ZNF786: variants seen among roughly 807,000 people sequenced by gnomAD.
ZNF786 encodes the protein zinc finger protein 786.
In ZNF786, 56 loss-of-function variants were observed where a neutral mutation model predicts 63.1. The ratio of observed to expected loss-of-function variants is 0.89; its 90% CI spans 0.72 to 1.11. ZNF786 has a LOEUF of 1.11. ZNF786 is among the 50% of genes least tolerant of loss of function. The pLI, the probability that ZNF786 is intolerant of heterozygous loss-of-function variation, is 0.00. For synonymous variants in ZNF786, 485 were observed against 406.9 expected (o/e 1.19, Z -2.31); for missense variants, 1,213 against 1,041.8 (o/e 1.16, Z -2.26).
At chr7:149,079,959 G>A (rs1226955893) in intron 2 of ZNF786, among the ~76,000 whole-genome samples, 1 of 150,636 alleles carries the variant, frequency 6.6e-6, no homozygotes, top group African/African-American at 2.4e-5. Flanking sequence ...GGATCACGAG[G>A]TCAGGAGATT....
intron 1 of ZNF786, chr7:149,081,248 C>T (rs748881856): frequency 9.1e-6 from 4 of 441,708 alleles, no homozygotes; most frequent in South Asian, 6.4e-5. Flanking sequence ...TCAGCCTGAC[C>T]AACGTGGTGA....
intron 1 of ZNF786, among the ~76,000 whole-genome samples, chr7:149,085,112 C>T (rs528654066): frequency 6.6e-6 from 1 of 152,098 alleles, no homozygotes; most frequent in East Asian, 1.9e-4. Context: ...AGGTATGTGG[C>T]GTTATTTCTG....
At chr7:149,086,565 T>C (rs1825740967) in intron 1 of ZNF786, among the ~76,000 whole-genome samples, 1 of 151,638 alleles carries the variant, frequency 6.6e-6, no homozygotes, top group African/African-American at 2.4e-5. Flanking sequence ...GAGGCAGAGA[T>C]TGCAGTGAGC....
Position 149,084,397 on chromosome 7 carries a change from G to A in ZNF786, c.19-3680C>T, listed in dbSNP as rs895923543. On this transcript the variant is annotated intron_variant, in intron 1 of 3. Transcript: ENST00000491431. Reference sequence around the variant, plus strand: ...AAGTTAATTTTGCTTTGAGTTCTTTGAGAAATCACCAAACTGCTTTCCACA... The same window carrying A: ...AAGTTAATTTTGCTTTGAGTTCTTTAAGAAATCACCAAACTGCTTTCCACA... Among the ~76,000 whole-genome samples the A allele has an allele frequency of 2.8e-5, 4 of 142,842 alleles. 1 individual carries two copies. Among genetic ancestry groups the A allele is most frequent in the Non-Finnish European group, 6.1e-5 (4 of 65,644 alleles). 93.7% of individuals were successfully genotyped at this position (142,842 alleles called of 152,430 possible). A position where few individuals can be genotyped will look rare whatever the true frequency, so the allele number is the denominator to read the frequency against.
chr7:149,073,536 G>A (rs1825469832), intron 3 of ZNF786, among the ~76,000 whole-genome samples: 1 of 151,876 alleles, frequency 6.6e-6, no homozygotes, highest in Middle Eastern at 3.2e-3. Flanking sequence ...CTGTGCTCCA[G>A]CCTGGGTGAC....
At position 149,072,479 on chromosome 7, in the gene ZNF786, A is replaced by G. The variant is rs370873946; in HGVS notation, c.299-6T>C. ...ATTCATAGCCTGCTGGCTTCCTGCA[A>G]TTGAAAACAAAAATTCAGTCGGTAT... On this transcript the variant is annotated splice_polypyrimidine_tract_variant and splice_region_variant and intron_variant, in intron 3 of 3. Transcript: ENST00000491431. 8 of 1,566,708 alleles carry G rather than the reference A, an allele frequency of 5.1e-6. No individual in the cohort carries two copies. Among genetic ancestry groups the G allele is most frequent in the Non-Finnish European group, 4.3e-6 (5 of 1,160,118 alleles).
intron 2 of ZNF786, among the ~76,000 whole-genome samples, chr7:149,077,783 T>C (rs1034930670): frequency 2.0e-5 from 3 of 151,706 alleles, no homozygotes; most frequent in Non-Finnish European, 4.4e-5. Flanking sequence ...ATGACGATGA[T>C]GGATAATCAC....
At position 149,072,161 on chromosome 7, in the gene ZNF786, A is replaced by G. The variant is rs1825440815; in HGVS notation, c.611T>C (p.Met204Thr). 2 of 1,613,064 alleles carry G rather than the reference A, an allele frequency of 1.2e-6. No homozygotes were observed. The highest frequency in any genetic ancestry group is 1.7e-6 in the Non-Finnish European group (2 of 1,179,724). ...ESCWENNHLV[M>T]HQRGHSKDRT... is the part of the protein sequence containing the mutation. The stretch of plus-strand genomic sequence containing the variant: ...GTCCTTTGAGTGGCCTCTCTGGTGC[A>G]TTACTAAATGGTTGTTCTCCCAACA... Residue 204 changes from methionine to threonine, a missense_variant, in exon 4 of 4, where the codon ATG becomes ACG. Met to Thr is a moderately conservative substitution (Grantham distance 81). Coordinates refer to ENST00000491431, the MANE Select transcript of ZNF786 (RefSeq NM_152411.4).
intron 1 of ZNF786, among the ~76,000 whole-genome samples, chr7:149,090,172 A>G (rs1825807429): frequency 6.6e-6 from 1 of 152,230 alleles, no homozygotes; most frequent in Non-Finnish European, 1.5e-5. Context: ...ATCACGCTAG[A>G]CAATAAATTC....
At chr7:149,074,328 G>A in intron 3 of ZNF786, 58 bp downstream of exon 3, 2 of 1,589,148 alleles carry the variant, frequency 1.3e-6, no homozygotes, top group Non-Finnish European at 1.7e-6. Flanking sequence ...GATCAGAGAA[G>A]AGAAACAAAT....
intron 1 of ZNF786, among the ~76,000 whole-genome samples, chr7:149,084,132 G>A (rs919847120): frequency 2.6e-5 from 4 of 152,032 alleles, no homozygotes; most frequent in African/African-American, 7.2e-5. Context: ...AGGCCGAGGC[G>A]GGCAGATCAC....
chr7:149,089,339 G>A (rs761583848), intron 1 of ZNF786, among the ~76,000 whole-genome samples: 1 of 151,636 alleles, frequency 6.6e-6, no homozygotes, highest in Non-Finnish European at 1.5e-5. Context: ...TTTTGAGATA[G>A]AGTCTCGCTC....
intron 2 of ZNF786, among the ~76,000 whole-genome samples, chr7:149,075,652 C>A (rs1825531641): frequency 2.1e-5 from 2 of 95,124 alleles, no homozygotes; most frequent in African/African-American, 4.1e-5. Context: ...TGACACACTT[C>A]AGGTTTTTTT....
In ZNF786 at chr7:149,070,868, T is replaced by G. The variant is rs777209058; in HGVS notation, c.1904A>C (p.Asp635Ala). Residue 635 changes from aspartate to alanine, a missense_variant, in exon 4 of 4, where the codon GAC becomes GCC. Transcript: ENST00000491431. ...GTGCAGCAGCTGGTGGGCCTTCATG[T>G]CGGCCTTCACGCGATAGCGCTTGTC... ...ECDKRYRVKADMKAHQLLHSG... is the reference protein window; with the variant it reads ...ECDKRYRVKAAMKAHQLLHSG... 7.4e-6 allele frequency: 12 copies of G among 1,612,374 alleles called. No homozygotes were observed. Among genetic ancestry groups the G allele is most frequent in the Middle Eastern group, 1.6e-4 (1 of 6,078 alleles).
chr7:149,072,945 G>A (rs564318209), intron 3 of ZNF786, among the ~76,000 whole-genome samples: 1 of 152,144 alleles, frequency 6.6e-6, no homozygotes, highest in Non-Finnish European at 1.5e-5. Flanking sequence ...ATGACTTCAG[G>A]AAAGCCAGTG....
intron 2 of ZNF786, among the ~76,000 whole-genome samples, chr7:149,076,778 C>G (rs974532891): frequency 6.7e-6 from 1 of 148,374 alleles, no homozygotes; most frequent in Non-Finnish European, 1.5e-5. Context: ...ACTTGCTCTT[C>G]TCTCCTCAAA....
chr7:149,071,386 G>A lies in ZNF786; in HGVS notation c.1386C>T (p.Phe462=), dbSNP rs781760625. 6.2e-7 allele frequency: 1 copy of A among 1,613,080 alleles called. No homozygotes were observed. The highest frequency in any genetic ancestry group is 1.7e-5 in the Admixed American group (1 of 59,940). ...PFRCAKCGRN[F]RQRGQLLRHQ... is the part of the protein sequence containing the mutation. ...GCCGCAGCAGCTGTCCCCTCTGACGGAAGTTCCTGCCACACTTGGCACACC... is the reference window on the plus strand; with the variant it reads ...GCCGCAGCAGCTGTCCCCTCTGACGAAAGTTCCTGCCACACTTGGCACACC... Residue 462 remains phenylalanine (F), a synonymous_variant, in exon 4 of 4, where the codon TTC becomes TTT. Coordinates refer to ENST00000491431, the MANE Select transcript of ZNF786 (RefSeq NM_152411.4).
rs1016570443 is a variant in ZNF786, at chr7:149,072,135, G to C, written c.637C>G (p.Arg213Gly). ...AATTTCTCCCAGGCCCTACGTGTCC[G>C]GTCCTTTGAGTGGCCTCTCTGGTGC... ...VMHQRGHSKD[R>G]TRRAWEKFNK... The change falls in exon 4 of 4, where the codon CGG (arginine) becomes GGG (glycine). Residue 213 changes from arginine (R) to glycine (G), a missense_variant. Coordinates refer to ENST00000491431, the MANE Select transcript of ZNF786 (RefSeq NM_152411.4). 1 of 1,613,020 alleles carries C rather than the reference G, an allele frequency of 6.2e-7. No individual in the cohort carries two copies. Among genetic ancestry groups the C allele is most frequent in the Non-Finnish European group, 8.5e-7 (1 of 1,179,628 alleles).
At chr7:149,086,363 T>C (rs1825736023) in intron 1 of ZNF786, among the ~76,000 whole-genome samples, 1 of 152,130 alleles carries the variant, frequency 6.6e-6, no homozygotes, top group South Asian at 2.1e-4. Flanking sequence ...CACGGTGGCT[T>C]ACACCTGTAA....
Sources: allele counts gnomAD v4.1 joint callset (sites outside exome capture counted in the v4.1 genomes callset), GRCh38; gene constraint gnomAD v4.1.1; transcripts MANE v1.5; gene names NCBI Gene and HGNC (gene_info 2026-07-23, HGNC 2026-07-21).